The following GPC5 variants were observed in gnomAD, a reference collection of about 807,000 sequenced individuals.
GPC5 encodes the protein glypican-5.
Under a neutral mutation model 53.9 loss-of-function variants are expected in GPC5, and 47 were observed. The observed-to-expected ratio is 0.87, with a 90% CI of 0.69 to 1.11. GPC5 has a LOEUF of 1.11. GPC5 is among the 50% of genes most tolerant of loss of function. The pLI, the probability that GPC5 is intolerant of heterozygous loss-of-function variation, is 0.00. For synonymous variants in GPC5, 286 were observed against 263.3 expected (o/e 1.09, Z -0.84); for missense variants, 748 against 713.1 (o/e 1.05, Z -0.56).
At chr13:91,424,672 C>G (rs1039357084) in intron 1 of GPC5, among the ~76,000 whole-genome samples, 24 of 152,102 alleles carry the variant, frequency 1.6e-4, no homozygotes, top group Non-Finnish European at 2.6e-4. Flanking sequence ...CGGCCAAATC[C>G]AGTGCTTTCT....
At chr13:92,311,469 G>A (rs972175815) in intron 7 of GPC5, among the ~76,000 whole-genome samples, 5 of 152,132 alleles carry the variant, frequency 3.3e-5, no homozygotes, top group Non-Finnish European at 7.4e-5. Flanking sequence ...AATGCTACTT[G>A]TATTAGTCAG....
At chr13:92,197,818 C>G (rs2042268005) in intron 7 of GPC5, among the ~76,000 whole-genome samples, 1 of 151,750 alleles carries the variant, frequency 6.6e-6, no homozygotes. Context: ...GCCAGGCACC[C>G]CATATGTCTT....
At chr13:91,499,689 A>T (rs1053472555) in intron 2 of GPC5, among the ~76,000 whole-genome samples, 1 of 152,172 alleles carries the variant, frequency 6.6e-6, no homozygotes, top group Non-Finnish European at 1.5e-5. Context: ...CTCGTCTTTC[A>T]TCAGGTTTGT....
chr13:92,372,455 ACT>A (rs1397670897), intron 7 of GPC5, among the ~76,000 whole-genome samples: 1 of 151,952 alleles, frequency 6.6e-6, no homozygotes, highest in African/African-American at 2.4e-5. Flanking sequence ...AGCTTTTTAT[ACT>A]CTTTTTATGA....
chr13:92,276,244 T>C (rs17429429), intron 7 of GPC5, among the ~76,000 whole-genome samples: 12,985 of 152,076 alleles, frequency 0.085, 611 homozygotes, highest in Middle Eastern at 0.12. Context: ...GGCCCTGGGG[T>C]TTAAATTTCA....
At chr13:92,728,474 G>C (rs892764705) in intron 7 of GPC5, among the ~76,000 whole-genome samples, 5 of 151,314 alleles carry the variant, frequency 3.3e-5, no homozygotes, top group African/African-American at 1.2e-4. Context: ...ATAGATTTAA[G>C]CAAAACATAG....
At chr13:91,983,068 G>A (rs979329295) in intron 6 of GPC5, among the ~76,000 whole-genome samples, 5 of 151,920 alleles carry the variant, frequency 3.3e-5, no homozygotes, top group Non-Finnish European at 4.4e-5. Flanking sequence ...CCAAGGTGCC[G>A]GTCGCGGTGG....
intron 4 of GPC5, among the ~76,000 whole-genome samples, chr13:91,746,950 C>CGCT (rs2037063236): frequency 6.6e-6 from 1 of 152,032 alleles, no homozygotes; most frequent in African/African-American, 2.4e-5. Flanking sequence ...CCTTCTCTAT[C>CGCT]TTTCTATGTT....
chr13:92,559,452 C>A (rs1882621776), intron 7 of GPC5, among the ~76,000 whole-genome samples: 1 of 151,314 alleles, frequency 6.6e-6, no homozygotes. Flanking sequence ...GGAGAGACTG[C>A]CCCTCCTGCC....
chr13:91,880,936 G>A (rs1221814066), intron 5 of GPC5, among the ~76,000 whole-genome samples: 3 of 151,990 alleles, frequency 2.0e-5, no homozygotes, highest in Non-Finnish European at 4.4e-5. Context: ...AATTACAGGC[G>A]TCCGCCACCA....
At chr13:92,310,777 T>C (rs1045739683) in intron 7 of GPC5, among the ~76,000 whole-genome samples, 2 of 152,206 alleles carry the variant, frequency 1.3e-5, no homozygotes, top group South Asian at 2.1e-4. Flanking sequence ...ATACAAAGCA[T>C]TGTAAAAACT....
chr13:92,050,319 A>AT (rs1455365678), intron 6 of GPC5, among the ~76,000 whole-genome samples: 6 of 151,746 alleles, frequency 4.0e-5, no homozygotes, highest in Non-Finnish European at 7.4e-5. Context: ...GCTCTTCTCT[A>AT]TATTTTTTTT....
Position 91,535,724 on chromosome 13 carries a change from G to A in GPC5, c.325+86802G>A, listed in dbSNP as rs562147937. On this transcript the variant is annotated intron_variant, in intron 2 of 7. Coordinates refer to ENST00000377067, the MANE Select transcript of GPC5 (RefSeq NM_004466.6). ...CTCACCTATTAGGGAAATGCAGGGA[G>A]GCTTTGGGTCTTTAGGGAGAGGGTA... is the stretch of plus-strand genomic sequence containing the variant. Among the ~76,000 whole-genome samples, 95 of 152,230 alleles carry A rather than the reference G, an allele frequency of 6.2e-4. 1 individual carries two copies. Among genetic ancestry groups the A allele is most frequent in the African/African-American group, 2.2e-3 (93 of 41,538 alleles).
chr13:92,630,640 A>G (rs1487099373), intron 7 of GPC5, among the ~76,000 whole-genome samples: 1 of 152,168 alleles, frequency 6.6e-6, no homozygotes, highest in Admixed American at 6.5e-5. Context: ...GTGTATACCT[A>G]TGTAACAAAC....
At chr13:91,920,135 A>G (rs983329150) in intron 6 of GPC5, among the ~76,000 whole-genome samples, 1 of 152,198 alleles carries the variant, frequency 6.6e-6, no homozygotes. Flanking sequence ...AAAGAAAGAA[A>G]TGAGCAAATA....
chr13:92,251,042 T>C (rs1453131132), intron 7 of GPC5, among the ~76,000 whole-genome samples: 1 of 152,100 alleles, frequency 6.6e-6, no homozygotes, highest in Non-Finnish European at 1.5e-5. Context: ...CCTGATCCCT[T>C]ATTTTCTTTG....
At chr13:92,793,215 C>T (rs1876531643) in intron 7 of GPC5, among the ~76,000 whole-genome samples, 1 of 152,102 alleles carries the variant, frequency 6.6e-6, no homozygotes, top group African/African-American at 2.4e-5. Flanking sequence ...CAAATTAGAA[C>T]TCAGGATTAA....
intron 7 of GPC5, among the ~76,000 whole-genome samples, chr13:92,501,488 C>G (rs531133904): frequency 6.6e-6 from 1 of 151,806 alleles, no homozygotes; most frequent in Non-Finnish European, 1.5e-5. Context: ...TACTGGTGTC[C>G]CAGAAAGAGA....
At chr13:92,125,780 T>G (rs533039803) in intron 6 of GPC5, among the ~76,000 whole-genome samples, 35 of 152,254 alleles carry the variant, frequency 2.3e-4, no homozygotes, top group African/African-American at 7.2e-4. Context: ...CAAAATGGTA[T>G]AGTGCAAAGT....
Sources: gnomAD v4.1 joint callset for allele counts (sites outside exome capture counted in the v4.1 genomes callset) on GRCh38, gnomAD v4.1.1 for gene constraint, MANE v1.5 for transcripts, NCBI Gene and HGNC (gene_info 2026-07-23, HGNC 2026-07-21) for gene names.